Variants in GFRA2 observed in about 807,000 individuals in gnomAD.
GFRA2 encodes GDNF family receptor alpha-2.
In GFRA2, 17 loss-of-function variants were observed where a neutral mutation model predicts 48.3. The observed-to-expected ratio is 0.35, with a 90% CI of 0.24 to 0.53. The LOEUF (loss-of-function observed/expected upper bound fraction) is 0.53, where lower values mean the gene tolerates loss of function less well. Ranked by LOEUF, GFRA2 falls within the 20% of genes least tolerant of loss-of-function variation. The pLI is 0.93. For synonymous variants in GFRA2, 305 were observed against 257.2 expected, an observed-to-expected ratio of 1.19 and a Z score of -1.78; for missense variants, 660 against 637.3, an observed-to-expected ratio of 1.04 and a Z score of -0.38.
chr8:21,733,874 A>G (rs757424691), intron 4 of GFRA2, among the ~76,000 whole-genome samples: 4 of 152,196 alleles, frequency 2.6e-5, no homozygotes, highest in Non-Finnish European at 5.9e-5. Flanking sequence ...CCAGGAAGCA[A>G]AACAACCACC....
chr8:21,782,759 G>T lies in GFRA2; in HGVS notation c.181C>A (p.Arg61=). Residue 61 remains arginine, a synonymous_variant, in exon 2 of 9, where the codon CGG becomes AGG. Transcript: ENST00000524240. Reference sequence around the variant, plus strand: ...CGGTCGCGGCCTGCCAGGCACTGCCGCAGAGTGCGGTAGCGAGAGCTGCAG... The same window carrying T: ...CGGTCGCGGCCTGCCAGGCACTGCCTCAGAGTGCGGTAGCGAGAGCTGCAG... ...SNCSSRYRTL[R]QCLAGRDRNT... 6.3e-7 allele frequency: 1 copy of T among 1,594,880 alleles called. No individual in the cohort carries two copies. Among genetic ancestry groups the T allele is most frequent in the Non-Finnish European group, 8.5e-7 (1 of 1,172,286 alleles).
intron 1 of GFRA2, chr8:21,784,331 G>T (rs1268506602): frequency 2.2e-6 from 1 of 456,096 alleles, no homozygotes; most frequent in Non-Finnish European, 4.4e-6. Context: ...AGCCATGACT[G>T]CCCTTTCCTG....
upstream of GFRA2, among the ~76,000 whole-genome samples, chr8:21,792,520 A>C (rs1306625990): frequency 2.0e-5 from 3 of 152,340 alleles, no homozygotes; most frequent in African/African-American, 7.2e-5. Flanking sequence ...TGTGGGGAAT[A>C]CAGCAAGACT....
Position 21,803,651 on chromosome 8 carries a change from G to C in GFRA2, c.-36+1366C>G, listed in dbSNP as rs369466720. 4.6e-5 allele frequency among the ~76,000 whole-genome samples: 7 copies of C among 152,170 alleles called. No homozygotes were observed. The East Asian group carries it at 1.3e-3, about 29-fold the overall frequency. ...ATCATAGCTAACTTTTTCTTTTGAA[G>C]AGACAGGATCTCACTCTGTCACCCA... On this transcript the variant is annotated intron_variant, in intron 2 of 10. Transcript: ENST00000517328.
chr8:21,746,035 C>T (rs113790697), intron 4 of GFRA2, among the ~76,000 whole-genome samples: 2 of 152,174 alleles, frequency 1.3e-5, no homozygotes, highest in Non-Finnish European at 2.9e-5. Context: ...TGTAAGACCT[C>T]GGGGTCCCTA....
chr8:21,699,112 G>A (rs573061384), intron 7 of GFRA2, among the ~76,000 whole-genome samples: 6 of 152,280 alleles, frequency 3.9e-5, no homozygotes, highest in African/African-American at 7.2e-5. Context: ...CCATGGTCCC[G>A]GCCCATGAGG....
intron 4 of GFRA2, among the ~76,000 whole-genome samples, chr8:21,740,144 A>G (rs566781586): frequency 6.6e-6 from 1 of 152,268 alleles, no homozygotes; most frequent in African/African-American, 2.4e-5. Flanking sequence ...GTGATGACAG[A>G]GCAGCTGGGA....
intron 7 of GFRA2, among the ~76,000 whole-genome samples, chr8:21,695,924 G>A (rs945049519): frequency 1.3e-5 from 2 of 152,020 alleles, no homozygotes; most frequent in African/African-American, 2.4e-5. Flanking sequence ...GACACCCAGC[G>A]TCACTTCCTA....
chr8:21,711,751 A>G (rs13251335), intron 4 of GFRA2, among the ~76,000 whole-genome samples: 9,481 of 150,416 alleles, frequency 0.063, 558 homozygotes, highest in African/African-American at 0.16. Context: ...CAGGGTCATA[A>G]GACAATAGTG....
chr8:21,767,610 G>T (rs1474511536), intron 3 of GFRA2, among the ~76,000 whole-genome samples: 5 of 152,232 alleles, frequency 3.3e-5, no homozygotes, highest in Non-Finnish European at 5.9e-5. Flanking sequence ...CAGAGCAGGG[G>T]CGTCCGGCCA....
At chr8:21,727,498 G>A (rs1051108047) in intron 4 of GFRA2, among the ~76,000 whole-genome samples, 1 of 152,178 alleles carries the variant, frequency 6.6e-6, no homozygotes, top group Non-Finnish European at 1.5e-5. Flanking sequence ...TGGGGCTTGA[G>A]CCTCAGCGCT....
chr8:21,721,871 C>A (rs1334360826), intron 4 of GFRA2, among the ~76,000 whole-genome samples: 3 of 152,144 alleles, frequency 2.0e-5, no homozygotes, highest in East Asian at 3.9e-4. Context: ...CAAATATATT[C>A]TCGGAGTCAC....
chr8:21,765,956 C>T (rs1191747833), intron 3 of GFRA2, among the ~76,000 whole-genome samples: 1 of 152,186 alleles, frequency 6.6e-6, no homozygotes, highest in Non-Finnish European at 1.5e-5. Context: ...AACCTCCTAA[C>T]TGATCTCCCT....
intron 1 of GFRA2, among the ~76,000 whole-genome samples, chr8:21,783,623 C>A (rs1214239862): frequency 6.6e-6 from 1 of 151,376 alleles, no homozygotes; most frequent in Non-Finnish European, 1.5e-5. Context: ...AGGAGCTACC[C>A]CTTTCCCCCC....
intron 2 of GFRA2, among the ~76,000 whole-genome samples, chr8:21,801,897 C>T (rs1484029284): frequency 1.3e-5 from 2 of 152,222 alleles, no homozygotes; most frequent in Non-Finnish European, 2.9e-5. Flanking sequence ...ATGAATGGGA[C>T]TCGGGTGCTG....
intron 3 of GFRA2, among the ~76,000 whole-genome samples, chr8:21,754,947 C>T (rs911691854): frequency 5.3e-5 from 8 of 151,966 alleles, no homozygotes; most frequent in African/African-American, 1.2e-4. Context: ...TGAAAGGACA[C>T]GGAGAAAACC....
intron 4 of GFRA2, among the ~76,000 whole-genome samples, chr8:21,731,293 A>C (rs1804179658): frequency 6.6e-6 from 1 of 152,068 alleles, no homozygotes; most frequent in African/African-American, 2.4e-5. Context: ...CTGTGACAAA[A>C]ACACAGGGTC....
intron 3 of GFRA2, among the ~76,000 whole-genome samples, chr8:21,762,554 C>T (rs1478867471): frequency 9.9e-5 from 15 of 152,126 alleles, no homozygotes; most frequent in Admixed American, 6.5e-5. Flanking sequence ...CAGGCTAACC[C>T]GCCAAAAATC....
upstream of GFRA2, among the ~76,000 whole-genome samples, chr8:21,792,202 G>A (rs1807584973): frequency 6.6e-6 from 1 of 152,204 alleles, no homozygotes; most frequent in African/African-American, 2.4e-5. Flanking sequence ...GTGGAGGGGA[G>A]GGCGTTGCAG....
Sources: gnomAD v4.1 joint callset for allele counts (sites outside exome capture counted in the v4.1 genomes callset) on GRCh38, gnomAD v4.1.1 for gene constraint, MANE v1.5 for transcripts, NCBI Gene and HGNC (gene_info 2026-07-23, HGNC 2026-07-21) for gene names.